WRNIP1: variants seen among roughly 807,000 people sequenced by gnomAD.
The protein encoded by WRNIP1 is WRN helicase interacting protein 1.
In WRNIP1, 41 loss-of-function variants were observed where a neutral mutation model predicts 56.1. That is an observed-to-expected ratio of 0.73 (90% confidence interval 0.57 to 0.95). The LOEUF is 0.95. Among genes scored for constraint, WRNIP1 ranks in the 40% least tolerant of loss-of-function variants. The pLI is 0.00. For synonymous variants in WRNIP1, 547 were observed against 398.1 expected (o/e 1.37, Z -4.45); for missense variants, 1,170 against 939.4 (o/e 1.25, Z -3.21).
At position 2,783,556 on chromosome 6, in the gene WRNIP1, A is replaced by C. The variant is rs766154039; in HGVS notation, c.1637A>C (p.Asp546Ala). 6.3e-7 allele frequency: 1 copy of C among 1,597,602 alleles called. No homozygotes were observed. Among genetic ancestry groups the C allele is most frequent in the Non-Finnish European group, 8.5e-7 (1 of 1,171,772 alleles). ...AGGCTTGTCAGGTTTGCCAGCGAGGACATAGGTGAGTGTGATGGGAGGGTC... is the reference window on the plus strand; with the variant it reads ...AGGCTTGTCAGGTTTGCCAGCGAGGCCATAGGTGAGTGTGATGGGAGGGTC... ...ARRLVRFASE[D>A]IGLADPSALT... The change falls in exon 5 of 7, where the codon GAC becomes GCC. Residue 546 changes from aspartate (D) to alanine (A), a missense_variant. By Grantham distance (126) the Asp-to-Ala change is moderately radical. Transcript: ENST00000380773.
rs1036103218 is a variant in WRNIP1 at position 2,779,655 on chromosome 6, A to G, written c.1486+163A>G. 1.9e-4 allele frequency among the ~76,000 whole-genome samples: 29 copies of G among 152,216 alleles called. 1 individual carries two copies. The highest frequency in any genetic ancestry group is 1.6e-3 in the Admixed American group (25 of 15,276). On this transcript the variant is annotated intron_variant, in intron 4 of 6. Coordinates refer to ENST00000380773, the MANE Select transcript of WRNIP1 (RefSeq NM_020135.3). ...TGCATGTTGGTATTAAGCCTTCTAC[A>G]CAGGGCTGACCTTTCCGAAGAGAGG...
intron 3 of WRNIP1, chr6:2,773,205 G>A: frequency 1.0e-6 from 1 of 985,362 alleles, no homozygotes; most frequent in Non-Finnish European, 1.2e-6. Context: ...ATTCCCTCCT[G>A]TAGTTATTAT....
chr6:2,766,147 CGGGGACGCGGACGCGGACGGCGAG>C lies in WRNIP1; in HGVS notation c.527_550del (p.Gly176_Glu183del). 1 of 1,327,056 alleles carries C rather than the reference CGGGGACGCGGACGCGGACGGCGAG, an allele frequency of 7.5e-7. No individual in the cohort carries two copies. Among genetic ancestry groups the C allele is most frequent in the Non-Finnish European group, 9.6e-7 (1 of 1,045,584 alleles). The allele number at this position is 1,327,056 out of a possible 1,614,324, so 82.2% of individuals were successfully genotyped here. On this transcript the variant is annotated inframe_deletion, in exon 1 of 7. Transcript: ENST00000380773. ...AGGCCGTGGGCGACGGCGATGGCGACGGGGACGCGGACGCGGACGGCGAGGACGACCCGGGGCACTGGGACGCGG... is the reference window on the plus strand; with the variant it reads ...AGGCCGTGGGCGACGGCGATGGCGACGACGACCCGGGGCACTGGGACGCGG...
In WRNIP1 at chr6:2,786,640, T is replaced by C. The variant is rs1765721291; in HGVS notation, c.*1358T>C. ...CAGGAGACTCAAAATGCTTTTATTG[T>C]ACCTTCAGACGTGTCTGAGGGTTTG... On this transcript the variant is annotated 3_prime_UTR_variant, in exon 7 of 7. Coordinates refer to ENST00000380773, the MANE Select transcript of WRNIP1 (RefSeq NM_020135.3). The C allele has an allele frequency of 6.6e-6, 1 of 152,146 alleles. No individual in the cohort carries two copies. The highest frequency in any genetic ancestry group is 1.5e-5 in the Non-Finnish European group (1 of 68,030). 9.4% of individuals were successfully genotyped at this position (152,146 alleles called of 1,614,324 possible).
intron 4 of WRNIP1, among the ~76,000 whole-genome samples, chr6:2,781,457 A>G (rs1309634209): frequency 6.6e-6 from 1 of 152,224 alleles, no homozygotes; most frequent in Non-Finnish European, 1.5e-5. Context: ...TTTGCTCTAT[A>G]AATAGGGATA....
Position 2,765,753 on chromosome 6 carries a change from C to T in WRNIP1, c.131C>T (p.Pro44Leu), listed in dbSNP as rs777950082. Residue 44 changes from proline to leucine, a missense_variant, in exon 1 of 7, where the codon CCG becomes CTG. Pro to Leu is a moderately conservative substitution (Grantham distance 98). Transcript: ENST00000380773. ...SHLDRCLLLH[P>L]AGHAEPAAGS... The stretch of plus-strand genomic sequence containing the variant: ...CTGGACCGCTGTCTGCTGCTCCACC[C>T]GGCGGGGCACGCGGAGCCCGCGGCC... The T allele has an allele frequency of 8.0e-6, 12 of 1,494,764 alleles. No individual in the cohort carries two copies. Among genetic ancestry groups the T allele is most frequent in the South Asian group, 1.2e-5 (1 of 80,538 alleles). 92.6% of individuals were successfully genotyped at this position (1,494,764 alleles called of 1,614,324 possible).
chr6:2,767,836 G>A (rs1335217309), intron 1 of WRNIP1, among the ~76,000 whole-genome samples: 1 of 152,320 alleles, frequency 6.6e-6, no homozygotes, highest in African/African-American at 2.4e-5. Flanking sequence ...TCATTTGCAA[G>A]CCTAGGCATC....
intron 4 of WRNIP1, among the ~76,000 whole-genome samples, chr6:2,783,042 A>T (rs1231844447): frequency 6.6e-6 from 1 of 151,322 alleles, no homozygotes; most frequent in Non-Finnish European, 1.5e-5. Context: ...CCTCCAGTAG[A>T]TGGTGGGCCA....
At chr6:2,769,505 T>C (rs181185142) in intron 2 of WRNIP1, among the ~76,000 whole-genome samples, 62 of 151,842 alleles carry the variant, frequency 4.1e-4, no homozygotes, top group African/African-American at 1.3e-3. Context: ...CTTTAAAAAA[T>C]TTTTTTTTGT....
chr6:2,774,904 C>T (rs577352456), intron 3 of WRNIP1, among the ~76,000 whole-genome samples: 2 of 152,260 alleles, frequency 1.3e-5, no homozygotes, highest in South Asian at 4.1e-4. Context: ...GAGGGTGATT[C>T]TCCTCGCTGT....
Position 2,766,439 on chromosome 6 carries a change from G to T in WRNIP1, c.817G>T (p.Gly273Cys). 1 of 1,557,030 alleles carries T rather than the reference G, an allele frequency of 6.4e-7. No homozygotes were observed. Among genetic ancestry groups the T allele is most frequent in the Non-Finnish European group, 8.7e-7 (1 of 1,145,430 alleles). ...SLILWGPPGCGKTTLAHIIAS... is the reference protein window; with the variant it reads ...SLILWGPPGCCKTTLAHIIAS... ...TATCCTGTGGGGGCCGCCGGGCTGC[G>T]GCAAGGTGAGTGCGGCCTTGGCCGT... The change falls in exon 1 of 7, where the codon GGC becomes TGC. Residue 273 changes from glycine (G) to cysteine (C), a missense_variant. By Grantham distance (159) the Gly-to-Cys change is radical. Transcript: ENST00000380773.
intron 4 of WRNIP1, among the ~76,000 whole-genome samples, chr6:2,780,141 G>T (rs1389055487): frequency 2.0e-5 from 3 of 152,202 alleles, no homozygotes; most frequent in Non-Finnish European, 2.9e-5. Flanking sequence ...AAAGAAGTGG[G>T]AGATGAATAT....
Position 2,770,213 on chromosome 6 carries a change from A to G in WRNIP1, c.1108A>G (p.Ser370Gly). The G allele has an allele frequency of 6.2e-7, 1 of 1,614,158 alleles. No individual in the cohort carries two copies. The highest frequency in any genetic ancestry group is 8.5e-7 in the Non-Finnish European group (1 of 1,180,030). ...CTTCCAGGTCAACGCTGCTCTTCTG[A>G]GCCGCTGTCGAGTGATTGTTCTTGA... is the stretch of plus-strand genomic sequence containing the variant. The part of the protein sequence containing the change: ...PSFQVNAALL[S>G]RCRVIVLEKL... The change falls in exon 3 of 7, where the codon AGC becomes GGC. Residue 370 changes from serine (S) to glycine (G), a missense_variant. By Grantham distance (56) the Ser-to-Gly change is moderately conservative. Transcript: ENST00000380773.
intron 3 of WRNIP1, among the ~76,000 whole-genome samples, chr6:2,772,423 G>C (rs1310560485): frequency 3.3e-5 from 5 of 152,182 alleles, no homozygotes. Flanking sequence ...GCTTGTCCCT[G>C]TTCATATCCC....
rs777817335 is a variant in WRNIP1 at position 2,765,704 on chromosome 6, C to T, written c.82C>T (p.Pro28Ser). 1.2e-5 allele frequency: 18 copies of T among 1,546,098 alleles called. No homozygotes were observed. The highest frequency in any genetic ancestry group is 9.1e-5 in the Admixed American group (5 of 55,128). ...VQCPVCQQMM[P>S]AAHINSHLDR... ...GTGCCCCGTGTGCCAGCAGATGATG[C>T]CCGCCGCGCACATCAACTCGCACCT... is the stretch of plus-strand genomic sequence containing the variant. Residue 28 changes from proline (P) to serine (S), a missense_variant, in exon 1 of 7, where the codon CCC (proline) becomes TCC (serine). Transcript: ENST00000380773.
chr6:2,771,410 G>A (rs1007899108), intron 3 of WRNIP1, among the ~76,000 whole-genome samples: 1 of 152,200 alleles, frequency 6.6e-6, no homozygotes, highest in African/African-American at 2.4e-5. Flanking sequence ...TTGTGATGGG[G>A]ATAGCCATTA....
chr6:2,779,627 A>C (rs544826210), intron 4 of WRNIP1, 135 bp downstream of exon 4: 1 of 931,368 alleles, frequency 1.1e-6, no homozygotes, highest in African/African-American at 1.6e-5. Flanking sequence ...TCTCAGGTGG[A>C]TCTGCATGTT....
intron 3 of WRNIP1, among the ~76,000 whole-genome samples, chr6:2,778,551 A>G (rs1041690016): frequency 1.3e-5 from 2 of 152,160 alleles, no homozygotes; most frequent in African/African-American, 4.8e-5. Context: ...CCAGGGTCTC[A>G]TGGCTATGTA....
chr6:2,769,701 TTGAG>T (rs1208032839), intron 2 of WRNIP1, among the ~76,000 whole-genome samples: 2 of 152,122 alleles, frequency 1.3e-5, no homozygotes, highest in Admixed American at 6.5e-5. Context: ...AATAATATGA[TTGAG>T]TGCTTGCTGT....
Sources: allele counts gnomAD v4.1 joint callset (sites outside exome capture counted in the v4.1 genomes callset), GRCh38; gene constraint gnomAD v4.1.1; transcripts MANE v1.5; gene names NCBI Gene and HGNC (gene_info 2026-07-23, HGNC 2026-07-21).